Variants in SCML4 observed in about 807,000 individuals in gnomAD.
SCML4 encodes the protein Scm polycomb group protein like 4, also known as sex comb on midleg-like protein 4.
In SCML4, 34 loss-of-function variants were observed where a neutral mutation model predicts 41.1. The ratio of observed to expected loss-of-function variants is 0.83; its 90% CI spans 0.63 to 1.10. The LOEUF (loss-of-function observed/expected upper bound fraction) is 1.10. Among genes scored for constraint, SCML4 ranks in the 50% least tolerant of loss-of-function variants. SCML4 has a pLI of 0.00. For missense variants in SCML4, 522 were observed against 534.1 expected, an observed-to-expected ratio of 0.98 and a Z score of 0.22; for synonymous variants, 214 against 220.9, an observed-to-expected ratio of 0.97 and a Z score of 0.28.
chr6:107,775,886 A>G (rs149646588), intron 1 of SCML4, among the ~76,000 whole-genome samples: 1 of 152,304 alleles, frequency 6.6e-6, no homozygotes, highest in African/African-American at 2.4e-5. Flanking sequence ...TTTCCATTCA[A>G]AAAATTTAGG....
At chr6:107,708,461 C>T (rs1417112124) in intron 6 of SCML4, among the ~76,000 whole-genome samples, 1 of 152,136 alleles carries the variant, frequency 6.6e-6, no homozygotes, top group Non-Finnish European at 1.5e-5. Flanking sequence ...GACTTGGGGT[C>T]CTTTCTGCCT....
chr6:107,758,170 T>C (rs1779260313), intron 2 of SCML4, among the ~76,000 whole-genome samples: 1 of 152,212 alleles, frequency 6.6e-6, no homozygotes, highest in African/African-American at 2.4e-5. Flanking sequence ...ATGGGGAAGA[T>C]AAACTTCTTG....
intron 5 of SCML4, among the ~76,000 whole-genome samples, chr6:107,726,950 C>A (rs542741159): frequency 1.3e-5 from 2 of 152,184 alleles, no homozygotes; most frequent in African/African-American, 4.8e-5. Context: ...AAAATCTGTA[C>A]ATGAATGTTT....
At chr6:107,799,454 T>C (rs1782943817) in intron 1 of SCML4, among the ~76,000 whole-genome samples, 1 of 152,188 alleles carries the variant, frequency 6.6e-6, no homozygotes. Flanking sequence ...CAATTTTATA[T>C]AAAAAGTCTG....
intron 2 of SCML4, among the ~76,000 whole-genome samples, chr6:107,769,564 T>C (rs1377503290): frequency 2.0e-5 from 3 of 152,172 alleles, no homozygotes; most frequent in Non-Finnish European, 4.4e-5. Flanking sequence ...CAATGAGGCG[T>C]CCTCAGAATC....
chr6:107,803,477 C>T (rs1205350958), intron 1 of SCML4, among the ~76,000 whole-genome samples: 3 of 149,848 alleles, frequency 2.0e-5, no homozygotes, highest in East Asian at 2.0e-4. Context: ...AGGTGAGGGG[C>T]GCCTCTGCCC....
chr6:107,775,780 A>G (rs1444558283), intron 1 of SCML4, among the ~76,000 whole-genome samples: 1 of 152,188 alleles, frequency 6.6e-6, no homozygotes, highest in African/African-American at 2.4e-5. Context: ...TAGTTATTAA[A>G]ATGTGCTATA....
intron 5 of SCML4, among the ~76,000 whole-genome samples, chr6:107,742,656 G>T (rs1361694335): frequency 6.6e-6 from 1 of 151,750 alleles, no homozygotes; most frequent in African/African-American, 2.4e-5. Flanking sequence ...TCAATGTACT[G>T]AAAGAAAAAA....
At chr6:107,829,000 T>C (rs938598068), upstream of SCML4, among the ~76,000 whole-genome samples, 17 of 152,210 alleles carry the variant, frequency 1.1e-4, no homozygotes, top group Admixed American at 9.8e-4. Flanking sequence ...ATGAAACTTT[T>C]AAAATGTTCT....
rs373301259 is a variant in SCML4, at chr6:107,703,869, C to T, written c.*1331G>A. On this transcript the variant is annotated 3_prime_UTR_variant, in exon 8 of 8. Transcript: ENST00000369020. ...GAAGAGAATATGCACATGGCAAAGGCGAATTCATTTTGAAGATATGTTTTC... is the reference window on the plus strand; with the variant it reads ...GAAGAGAATATGCACATGGCAAAGGTGAATTCATTTTGAAGATATGTTTTC... Among the ~76,000 whole-genome samples, 4 of 152,222 alleles carry T rather than the reference C, an allele frequency of 2.6e-5. No homozygotes were observed. In the South Asian group the frequency reaches 6.2e-4, roughly 24 times the overall value.
chr6:107,770,978 A>G (rs182852495), intron 2 of SCML4, among the ~76,000 whole-genome samples: 74 of 152,334 alleles, frequency 4.9e-4, no homozygotes, highest in African/African-American at 1.7e-3. Context: ...GCCCTACGCC[A>G]GCTTAAGAGA....
rs575247582 is a variant in SCML4 at position 107,737,560 on chromosome 6, T to C, written c.682+7389A>G. ...AGAACCATCTTAGCACAGACAGACT[T>C]CCTGTACTGAAAACTTGGAATAAGT... is the stretch of plus-strand genomic sequence containing the variant. On this transcript the variant is annotated intron_variant, in intron 5 of 7. Transcript: ENST00000369020. Among the ~76,000 whole-genome samples the C allele has an allele frequency of 8.5e-4, 129 of 152,210 alleles. No homozygotes were observed. In the Middle Eastern group the frequency reaches 0.01, roughly 12 times the overall value.
At chr6:107,778,352 T>C (rs1258402598) in intron 1 of SCML4, among the ~76,000 whole-genome samples, 1 of 150,056 alleles carries the variant, frequency 6.7e-6, no homozygotes, top group Non-Finnish European at 1.5e-5. Flanking sequence ...CAGTGAATAC[T>C]ATCTCAGTTC....
chr6:107,709,060 GC>G (rs1022614707), intron 6 of SCML4, among the ~76,000 whole-genome samples: 9 of 152,038 alleles, frequency 5.9e-5, no homozygotes, highest in Admixed American at 1.3e-4. Context: ...CCCAGAGCCT[GC>G]CACCTAACCC....
chr6:107,748,282 A>G (rs1778313408), intron 3 of SCML4, among the ~76,000 whole-genome samples: 1 of 152,176 alleles, frequency 6.6e-6, no homozygotes, highest in Admixed American at 6.5e-5. Context: ...TCCCATAAGC[A>G]TCTTACCTTA....
In SCML4 at chr6:107,772,375, G is replaced by A. The variant is rs1172294452; in HGVS notation, c.-48C>T. Reference sequence around the variant, plus strand: ...GAATGAGGTGACAAATCGCTCACAGGCAGAAGAGGTGCTAAGAATTAGTCC... The same window carrying A: ...GAATGAGGTGACAAATCGCTCACAGACAGAAGAGGTGCTAAGAATTAGTCC... On this transcript the variant is annotated 5_prime_UTR_variant, in exon 2 of 8. Coordinates refer to ENST00000369020, the MANE Select transcript of SCML4 (RefSeq NM_198081.5). 4.0e-6 allele frequency: 6 copies of A among 1,513,032 alleles called. No homozygotes were observed. 93.7% of individuals were successfully genotyped at this position (1,513,032 alleles called of 1,614,324 possible).
chr6:107,836,903 G>A, the SCML4 span, among the ~76,000 whole-genome samples: 1 of 152,098 alleles, frequency 6.6e-6, no homozygotes, highest in African/African-American at 2.4e-5. Context: ...CATCCCCGCC[G>A]ATGTCACATA....
intron 2 of SCML4, among the ~76,000 whole-genome samples, chr6:107,768,136 G>A (rs1261090265): frequency 6.6e-6 from 1 of 151,586 alleles, no homozygotes; most frequent in African/African-American, 2.4e-5. Flanking sequence ...AGCCAGGCAT[G>A]GTGACGTGCA....
At chr6:107,833,270 T>C in the SCML4 span, among the ~76,000 whole-genome samples, 1 of 152,296 alleles carries the variant, frequency 6.6e-6, no homozygotes, top group South Asian at 2.1e-4. Context: ...AGAAGTGCTG[T>C]GTACTACTCA....
Sources: allele counts gnomAD v4.1 joint callset (sites outside exome capture counted in the v4.1 genomes callset), GRCh38; gene constraint gnomAD v4.1.1; transcripts MANE v1.5; gene names NCBI Gene and HGNC (gene_info 2026-07-23, HGNC 2026-07-21).